RFX7: variants seen among roughly 807,000 people sequenced by gnomAD.
RFX7 encodes regulatory factor X7.
RFX7 carries 26 observed loss-of-function variants against 111.8 expected under a neutral mutation model. The ratio of observed to expected loss-of-function variants is 0.23; its 90% CI spans 0.17 to 0.32. The LOEUF (loss-of-function observed/expected upper bound fraction) is 0.32. Ranked by LOEUF, RFX7 falls within the 10% of genes least tolerant of loss-of-function variation. The probability of loss-of-function intolerance (pLI) is 1.00; values close to 1 mark genes in which losing one functional copy is unlikely to be tolerated. For synonymous variants in RFX7, 624 were observed against 624.4 expected, an observed-to-expected ratio of 1.00 and a Z score of 0.01; for missense variants, 1,573 against 1,772.9, an observed-to-expected ratio of 0.89 and a Z score of 2.02.
intron 5 of RFX7, among the ~76,000 whole-genome samples, chr15:56,109,921 G>C (rs1228905692): frequency 6.6e-6 from 1 of 151,250 alleles, no homozygotes; most frequent in African/African-American, 2.4e-5. Context: ...AGATGGGGGG[G>C]TCAGACCCTC....
chr15:56,200,248 G>C (rs2043181348), intron 2 of RFX7, among the ~76,000 whole-genome samples: 1 of 152,154 alleles, frequency 6.6e-6, no homozygotes, highest in African/African-American at 2.4e-5. Flanking sequence ...ACATGAGATA[G>C]CTACATGCAC....
Position 56,093,326 on chromosome 15 carries a change from A to C in RFX7, c.*19T>G, listed in dbSNP as rs757581337. 6.3e-7 allele frequency: 1 copy of C among 1,580,360 alleles called. No individual in the cohort carries two copies. Among genetic ancestry groups the C allele is most frequent in the African/African-American group, 1.3e-5 (1 of 74,462 alleles). ...CATATGTCTTTAGATACAGTGTGCT[A>C]CATGTTATAAAACACAATTTAACCC... On this transcript the variant is annotated 3_prime_UTR_variant, in exon 10 of 10. Transcript: ENST00000559447.
At position 56,174,698 on chromosome 15, in the gene RFX7, G is replaced by A. The variant is rs540450906; in HGVS notation, c.195+4572C>T. Among the ~76,000 whole-genome samples the A allele has an allele frequency of 3.1e-3, 471 of 152,238 alleles. 5 individuals carry two copies. The highest frequency in any genetic ancestry group is 0.013 in the South Asian group (62 of 4,818). On this transcript the variant is annotated intron_variant, in intron 3 of 9. Coordinates refer to ENST00000559447, the MANE Select transcript of RFX7 (RefSeq NM_022841.7). Reference sequence around the variant, plus strand: ...GGAGACAGAAGTTGCAGTGAGCCGAGATTGCACCACTGCACTAAAGCCTGG... The same window carrying A: ...GGAGACAGAAGTTGCAGTGAGCCGAAATTGCACCACTGCACTAAAGCCTGG...
At chr15:56,108,521 C>G (rs1027178092) in intron 5 of RFX7, among the ~76,000 whole-genome samples, 4 of 152,138 alleles carry the variant, frequency 2.6e-5, no homozygotes, top group Non-Finnish European at 5.9e-5. Context: ...TAGAAACTCT[C>G]AATAAACTAG....
rs145428482 is a variant in RFX7, at chr15:56,151,922, A to C, written c.196-7439T>G. ...GGGGTTGCAATCCTGGTCTCTGATA[A>C]AACAGACTTTAAACCAACAAAGATC... On this transcript the variant is annotated intron_variant, in intron 3 of 9. Coordinates refer to ENST00000559447, the MANE Select transcript of RFX7 (RefSeq NM_022841.7). Among the ~76,000 whole-genome samples the C allele has an allele frequency of 1.9e-3, 295 of 152,310 alleles. 2 individuals carry two copies. Among genetic ancestry groups the C allele is most frequent in the African/African-American group, 6.7e-3 (278 of 41,572 alleles).
intron 3 of RFX7, among the ~76,000 whole-genome samples, chr15:56,171,552 A>G (rs1284392977): frequency 1.5e-5 from 2 of 136,836 alleles, no homozygotes; most frequent in Non-Finnish European, 3.2e-5. Context: ...ATTCTTCCCT[A>G]GGGTCTCCAG....
At chr15:56,171,982 T>G (rs1307238859) in intron 3 of RFX7, among the ~76,000 whole-genome samples, 1 of 152,046 alleles carries the variant, frequency 6.6e-6, no homozygotes, top group African/African-American at 2.4e-5. Context: ...ACAGACACCC[T>G]TGAAGGGTGT....
intron 5 of RFX7, among the ~76,000 whole-genome samples, chr15:56,137,201 T>G (rs1444558080): frequency 1.1e-4 from 16 of 152,160 alleles, no homozygotes; most frequent in Admixed American, 4.6e-4. Context: ...TACCAGTTCC[T>G]CCTTGTACCT....
intron 2 of RFX7, among the ~76,000 whole-genome samples, chr15:56,201,418 T>A (rs1335021763): frequency 6.6e-6 from 1 of 151,986 alleles, no homozygotes; most frequent in Admixed American, 6.5e-5. Flanking sequence ...GGAAAGAAAA[T>A]CCAGCCTAAA....
intron 2 of RFX7, among the ~76,000 whole-genome samples, chr15:56,216,608 C>A (rs549328753): frequency 6.6e-6 from 1 of 152,234 alleles, no homozygotes; most frequent in South Asian, 2.1e-4. Flanking sequence ...TCTATTTAAT[C>A]AATTTCTACC....
chr15:56,206,999 G>C (rs1478933536), intron 2 of RFX7, among the ~76,000 whole-genome samples: 2 of 152,028 alleles, frequency 1.3e-5, no homozygotes, highest in African/African-American at 4.8e-5. Context: ...AATCACTAAA[G>C]TATGACTGGG....
At chr15:56,103,518 C>G (rs1311100275) in intron 6 of RFX7, 36 bp downstream of exon 6, 2 of 1,331,798 alleles carry the variant, frequency 1.5e-6, no homozygotes, top group African/African-American at 1.4e-5. Flanking sequence ...AGTGAGAACA[C>G]AGAGATATTA....
At chr15:56,129,835 T>A (rs1295115611) in intron 5 of RFX7, among the ~76,000 whole-genome samples, 1 of 152,204 alleles carries the variant, frequency 6.6e-6, no homozygotes, top group Non-Finnish European at 1.5e-5. Context: ...GGTTTTGGTA[T>A]TTTTCTGATG....
At chr15:56,126,790 G>C (rs1457259212) in intron 5 of RFX7, among the ~76,000 whole-genome samples, 1 of 152,046 alleles carries the variant, frequency 6.6e-6, no homozygotes, top group African/African-American at 2.4e-5. Context: ...TGTTACCAAA[G>C]ATATTAAGAT....
chr15:56,184,499 A>G lies in RFX7; in HGVS notation c.162-5196T>C, dbSNP rs58704315. On this transcript the variant is annotated intron_variant, in intron 2 of 9. Coordinates refer to ENST00000559447, the MANE Select transcript of RFX7 (RefSeq NM_022841.7). The stretch of plus-strand genomic sequence containing the variant: ...ATAAAGAGTAGCAGTGATAGAAGAT[A>G]TCCTTGTTTTGTTTCCGCATTAAAG... 2.6e-3 allele frequency among the ~76,000 whole-genome samples: 390 copies of G among 152,240 alleles called. 2 individuals carry two copies. The highest frequency in any genetic ancestry group is 9.0e-3 in the African/African-American group (373 of 41,538).
chr15:56,094,981 C>G lies in RFX7; in HGVS notation c.2747G>C (p.Ser916Thr). Reference protein sequence around the residue: ...YGNCLGMTLQSQSVTPGAPMS... With the variant: ...YGNCLGMTLQTQSVTPGAPMS... Reference sequence around the variant, plus strand: ...TGGAGCTCCTGGAGTTACTGACTGACTCTGAAGGGTCATTCCCAAACAGTT... The same window carrying G: ...TGGAGCTCCTGGAGTTACTGACTGAGTCTGAAGGGTCATTCCCAAACAGTT... The change falls in exon 10 of 10, where the codon AGT becomes ACT. Residue 916 changes from serine to threonine, a missense_variant. Coordinates refer to ENST00000559447, the MANE Select transcript of RFX7 (RefSeq NM_022841.7). 2 of 1,610,840 alleles carry G rather than the reference C, an allele frequency of 1.2e-6. No individual in the cohort carries two copies. The highest frequency in any genetic ancestry group is 1.7e-6 in the Non-Finnish European group (2 of 1,178,488).
intron 3 of RFX7, among the ~76,000 whole-genome samples, chr15:56,148,690 C>T (rs1324663695): frequency 6.6e-6 from 1 of 152,174 alleles, no homozygotes; most frequent in African/African-American, 2.4e-5. Context: ...CATCTGCTCA[C>T]CTACATTTCT....
intron 5 of RFX7, among the ~76,000 whole-genome samples, chr15:56,114,333 C>T (rs1010834532): frequency 6.6e-6 from 1 of 151,092 alleles, no homozygotes; most frequent in African/African-American, 2.4e-5. Flanking sequence ...AATGCTTTAA[C>T]CCGGGAGGTG....
In RFX7 at chr15:56,165,024, T is replaced by A. The variant is rs191110674; in HGVS notation, c.195+14246A>T. On this transcript the variant is annotated intron_variant, in intron 3 of 9. Coordinates refer to ENST00000559447, the MANE Select transcript of RFX7 (RefSeq NM_022841.7). ...GGATTATGGGGATGGTTTTGGGACG[T>A]AACTGTTCCACTTAGACCATTAGGC... is the stretch of plus-strand genomic sequence containing the variant. Among the ~76,000 whole-genome samples the A allele has an allele frequency of 2.0e-5, 3 of 152,332 alleles. No homozygotes were observed. In the East Asian group the frequency reaches 5.8e-4, roughly 29 times the overall value.
Sources: gnomAD v4.1 joint callset for allele counts (sites outside exome capture counted in the v4.1 genomes callset) on GRCh38, gnomAD v4.1.1 for gene constraint, MANE v1.5 for transcripts, NCBI Gene and HGNC (gene_info 2026-07-23, HGNC 2026-07-21) for gene names.